Variants in PARD3B observed in about 807,000 individuals in gnomAD.
PARD3B encodes partitioning defective 3 homolog B.
Under a neutral mutation model 130.2 loss-of-function variants are expected in PARD3B, and 103 were observed. That is an observed-to-expected ratio of 0.79 (90% CI 0.67 to 0.93). The LOEUF is 0.93. PARD3B is among the 40% of genes least tolerant of loss of function. PARD3B has a pLI of 0.00. For missense variants in PARD3B, 1,609 were observed against 1,499.2 expected (o/e 1.07, Z -1.21); for synonymous variants, 583 against 553.2 (o/e 1.05, Z -0.76).
intron 22 of PARD3B, among the ~76,000 whole-genome samples, chr2:205,574,111 T>G (rs2053656652): frequency 1.3e-5 from 2 of 152,240 alleles, no homozygotes. Flanking sequence ...CAGTTTTATA[T>G]ACTATGTGCA....
rs909205204 is a variant in PARD3B at position 205,104,582 on chromosome 2, A to G, written c.593+68A>G. 9 of 1,112,710 alleles carry G rather than the reference A, an allele frequency of 8.1e-6. No homozygotes were observed. The African/African-American group carries it at 1.4e-4, about 17-fold the overall frequency. The allele number at this position is 1,112,710 out of a possible 1,614,324, so 68.9% of individuals were successfully genotyped here. Reference sequence around the variant, plus strand: ...TTGATGTGTTTTTTAATAGTTTATAATTGTTCTTACTTTACAAGAAAGATC... The same window carrying G: ...TTGATGTGTTTTTTAATAGTTTATAGTTGTTCTTACTTTACAAGAAAGATC... On this transcript the variant is annotated intron_variant, in intron 5 of 22. Coordinates refer to ENST00000406610, the MANE Select transcript of PARD3B (RefSeq NM_001302769.2).
chr2:204,633,542 G>A (rs1294534813), intron 1 of PARD3B, among the ~76,000 whole-genome samples: 3 of 152,224 alleles, frequency 2.0e-5, no homozygotes, highest in Non-Finnish European at 2.9e-5. Context: ...AGCTGGGCAC[G>A]GTGGCTCACA....
At position 204,887,563 on chromosome 2, in the gene PARD3B, G is replaced by C. The variant is rs1227124486; in HGVS notation, c.223-77589G>C. Among the ~76,000 whole-genome samples, 1 of 152,138 alleles carries C rather than the reference G, an allele frequency of 6.6e-6. No individual in the cohort carries two copies. Among genetic ancestry groups the C allele is most frequent in the Non-Finnish European group, 1.5e-5 (1 of 68,026 alleles). On this transcript the variant is annotated intron_variant, in intron 2 of 22. Coordinates refer to ENST00000406610, the MANE Select transcript of PARD3B (RefSeq NM_001302769.2). This position sits in a 1 kb window ranked among gnomAD's most constrained non-coding sequence, Gnocchi z 4.2. ...GTTTTTATTTTTTAAAAAGAACGAA[G>C]AGATGGCAAACTAACCTATAAATTA... is the stretch of plus-strand genomic sequence containing the variant.
At chr2:204,968,823 A>G (rs1691465344) in intron 3 of PARD3B, among the ~76,000 whole-genome samples, 1 of 152,254 alleles carries the variant, frequency 6.6e-6, no homozygotes, top group Admixed American at 6.5e-5. Flanking sequence ...ACTGACATAA[A>G]GGGGTTCATA....
intron 19 of PARD3B, among the ~76,000 whole-genome samples, chr2:205,438,364 T>G (rs1333667252): frequency 6.6e-6 from 1 of 152,180 alleles, no homozygotes; most frequent in African/African-American, 2.4e-5. Flanking sequence ...AGCTTAGTAT[T>G]TTCCTCTTCC....
In PARD3B at chr2:205,575,101, A is replaced by ACT. The variant is rs2053703805; in HGVS notation, c.3260+21699_3260+21700insTC. On this transcript the variant is annotated intron_variant, in intron 22 of 22. Coordinates refer to ENST00000406610, the MANE Select transcript of PARD3B (RefSeq NM_001302769.2). The surrounding 1 kb of genome is among the most constrained non-coding windows in gnomAD (Gnocchi z 4.6). Reference sequence around the variant, plus strand: ...TTTAAATAGACACACACACACACACACACACACACACACGCGTACACTATA... The same window carrying ACT: ...TTTAAATAGACACACACACACACACACTCACACACACACACGCGTACACTATA... 7.4e-6 allele frequency among the ~76,000 whole-genome samples: 1 copy of ACT among 134,870 alleles called. No individual in the cohort carries two copies. Among genetic ancestry groups the ACT allele is most frequent in the Non-Finnish European group, 1.7e-5 (1 of 58,698 alleles). 88.5% of individuals were successfully genotyped at this position (134,870 alleles called of 152,430 possible).
Position 204,689,331 on chromosome 2 carries a change from G to A in PARD3B, c.222+3049G>A, listed in dbSNP as rs1245385306. ...CTAGTACAGCTTCCACGGGGACCAA[G>A]TCTCCACTGTGTTACACTACTTCTA... On this transcript the variant is annotated intron_variant, in intron 2 of 22. Coordinates refer to ENST00000406610, the MANE Select transcript of PARD3B (RefSeq NM_001302769.2). The surrounding 1 kb of genome is among the most constrained non-coding windows in gnomAD (Gnocchi z 5.2). 6.6e-6 allele frequency among the ~76,000 whole-genome samples: 1 copy of A among 152,100 alleles called. No individual in the cohort carries two copies. Among genetic ancestry groups the A allele is most frequent in the Non-Finnish European group, 1.5e-5 (1 of 68,014 alleles).
At chr2:205,419,113 C>T (rs542446876) in intron 19 of PARD3B, among the ~76,000 whole-genome samples, 5 of 152,236 alleles carry the variant, frequency 3.3e-5, no homozygotes, top group African/African-American at 1.2e-4. Context: ...ACCCAAATCT[C>T]ATCTTGAATT....
At chr2:205,556,677 T>C (rs2052900900) in intron 22 of PARD3B, among the ~76,000 whole-genome samples, 1 of 152,180 alleles carries the variant, frequency 6.6e-6, no homozygotes, top group African/African-American at 2.4e-5. Context: ...AGTGTGGTTG[T>C]AATACAACCT....
At chr2:204,991,085 T>TA (rs1379363033) in intron 3 of PARD3B, among the ~76,000 whole-genome samples, 1 of 151,906 alleles carries the variant, frequency 6.6e-6, no homozygotes, top group African/African-American at 2.4e-5. Flanking sequence ...TTTTTTTTTT[T>TA]ATTATACTTA....
At chr2:205,149,354 A>G in intron 10 of PARD3B, among the ~76,000 whole-genome samples, 1 of 152,162 alleles carries the variant, frequency 6.6e-6, no homozygotes, top group Non-Finnish European at 1.5e-5. Context: ...CTGGGATTAC[A>G]GGCATGAGCC....
In PARD3B at chr2:205,550,974, TATAC is replaced by T. The variant is rs1474145072; in HGVS notation, c.3181-2348_3181-2345del. Among the ~76,000 whole-genome samples the T allele has an allele frequency of 5.8e-4, 57 of 98,560 alleles. No individual in the cohort carries two copies. The highest frequency in any genetic ancestry group is 1.9e-3 in the African/African-American group (55 of 29,436). The allele number at this position is 98,560 out of a possible 152,430, so 64.7% of individuals were successfully genotyped here. A position where few individuals can be genotyped will look rare whatever the true frequency, so the allele number is the denominator to read the frequency against. On this transcript the variant is annotated intron_variant, in intron 21 of 22. Coordinates refer to ENST00000406610, the MANE Select transcript of PARD3B (RefSeq NM_001302769.2). The surrounding 1 kb of genome is among the most constrained non-coding windows in gnomAD (Gnocchi z 4.5). The stretch of plus-strand genomic sequence containing the variant: ...ATATGTGTATATATATATATATATA[TATAC>T]ACACACACACACACACACACACACA...
intron 18 of PARD3B, among the ~76,000 whole-genome samples, chr2:205,310,715 C>CT (rs1311997873): frequency 2.9e-5 from 3 of 102,076 alleles, no homozygotes; most frequent in African/African-American, 6.6e-5. Flanking sequence ...TTCTTTCTTT[C>CT]TTTCTTTTTT....
At position 205,125,802 on chromosome 2, in the gene PARD3B, T is replaced by C. The variant is rs1182829677; in HGVS notation, c.1434+65T>C. The C allele has an allele frequency of 7.0e-6, 11 of 1,560,474 alleles. No individual in the cohort carries two copies. Among genetic ancestry groups the C allele is most frequent in the Non-Finnish European group, 8.7e-6 (10 of 1,148,114 alleles). The stretch of plus-strand genomic sequence containing the variant: ...GAGCTTAATACACTCAATGAACTCA[T>C]TATAGCTGAGAAACGAGTTCTAAAT... On this transcript the variant is annotated intron_variant, in intron 10 of 22. Transcript: ENST00000406610. This position sits in a 1 kb window ranked among gnomAD's most constrained non-coding sequence, Gnocchi z 4.0.
intron 1 of PARD3B, among the ~76,000 whole-genome samples, chr2:204,663,685 G>A (rs1439572311): frequency 6.6e-6 from 1 of 152,158 alleles, no homozygotes. Context: ...TTTCTTGTCT[G>A]TAGGAGAGTG....
chr2:204,920,044 T>A (rs2047607513), intron 2 of PARD3B, among the ~76,000 whole-genome samples: 1 of 152,102 alleles, frequency 6.6e-6, no homozygotes, highest in Non-Finnish European at 1.5e-5. Context: ...AATAGAAAAA[T>A]TTTTCCTCTT....
At chr2:204,856,724 T>C (rs987517000) in intron 2 of PARD3B, among the ~76,000 whole-genome samples, 1 of 152,130 alleles carries the variant, frequency 6.6e-6, no homozygotes, top group Non-Finnish European at 1.5e-5. Flanking sequence ...TGTTGTGAGA[T>C]AAAAGTTCAA....
At chr2:205,339,355 G>T (rs13025702) in intron 18 of PARD3B, among the ~76,000 whole-genome samples, 84,746 of 151,588 alleles carry the variant, frequency 0.56, 27,438 homozygotes, top group South Asian at 0.75. Context: ...AAGTTTAGTA[G>T]CTCAAATAGA....
chr2:204,931,559 A>T (rs1688032569), intron 2 of PARD3B, among the ~76,000 whole-genome samples: 1 of 151,940 alleles, frequency 6.6e-6, no homozygotes, highest in South Asian at 2.1e-4. Flanking sequence ...CATGGGGTAT[A>T]ATTTACTTTG....
Sources: gnomAD v4.1 joint callset for allele counts (sites outside exome capture counted in the v4.1 genomes callset) on GRCh38, gnomAD v4.1.1 for gene constraint, Gnocchi (gnomAD v3.1) non-coding constraint, MANE v1.5 for transcripts, NCBI Gene and HGNC (gene_info 2026-07-23, HGNC 2026-07-21) for gene names.